Variants in GRIK4 observed in about 807,000 individuals in gnomAD.
The protein encoded by GRIK4 is glutamate receptor ionotropic, kainate 4.
In GRIK4, 40 loss-of-function variants were observed where a neutral mutation model predicts 104.9. The ratio of observed to expected loss-of-function variants is 0.38; its 90% CI spans 0.30 to 0.50. GRIK4 has a LOEUF of 0.50. GRIK4 is among the 20% of genes least tolerant of loss of function. The pLI is 0.93. For synonymous variants in GRIK4, 485 were observed against 524.9 expected (o/e 0.92, Z 1.04); for missense variants, 1,047 against 1,308.1 (o/e 0.80, Z 3.08).
rs547947853 is a variant in GRIK4 at position 120,518,231 on chromosome 11, G to A, written c.-159+6344G>A. ...TCCCAGCTTTTCCAGTTCCAGCAGTGCAACTTTGGGCACAAAGCTATGCAA... is the reference window on the plus strand; with the variant it reads ...TCCCAGCTTTTCCAGTTCCAGCAGTACAACTTTGGGCACAAAGCTATGCAA... On this transcript the variant is annotated intron_variant, in intron 1 of 20. Coordinates refer to ENST00000527524, the MANE Select transcript of GRIK4 (RefSeq NM_014619.5). Among the ~76,000 whole-genome samples the A allele has an allele frequency of 2.6e-5, 4 of 152,300 alleles. 1 individual carries two copies. The highest frequency in any genetic ancestry group is 2.6e-4 in the Admixed American group (4 of 15,296).
At chr11:120,672,018 G>A (rs1950026530) in intron 3 of GRIK4, among the ~76,000 whole-genome samples, 1 of 152,148 alleles carries the variant, frequency 6.6e-6, no homozygotes, top group South Asian at 2.1e-4. Flanking sequence ...TGCTGTTTTG[G>A]TTACTGTAGC....
At chr11:120,985,194 A>C (rs1404633647) in intron 20 of GRIK4, among the ~76,000 whole-genome samples, 1 of 152,134 alleles carries the variant, frequency 6.6e-6, no homozygotes, top group Non-Finnish European at 1.5e-5. Flanking sequence ...AGTTCCTTGT[A>C]AGTTTGATGC....
At position 120,743,161 on chromosome 11, in the gene GRIK4, C is replaced by T. The variant is rs181664591; in HGVS notation, c.83-59532C>T. 9.3e-4 allele frequency among the ~76,000 whole-genome samples: 139 copies of T among 150,270 alleles called. 2 individuals carry two copies. The East Asian group carries it at 0.023, about 25-fold the overall frequency. Reference sequence around the variant, plus strand: ...AGGAGAATTGCTTGAACCCAGGAGGCGGAGGCTGCAGTGAGCAGAGATGAC... The same window carrying T: ...AGGAGAATTGCTTGAACCCAGGAGGTGGAGGCTGCAGTGAGCAGAGATGAC... On this transcript the variant is annotated intron_variant, in intron 3 of 20. Coordinates refer to ENST00000527524, the MANE Select transcript of GRIK4 (RefSeq NM_014619.5).
At chr11:120,763,152 T>C (rs996322507) in intron 3 of GRIK4, among the ~76,000 whole-genome samples, 29 of 152,252 alleles carry the variant, frequency 1.9e-4, no homozygotes, top group African/African-American at 6.8e-4. Flanking sequence ...GGAATTCAAC[T>C]TCTTCCTGGT....
At chr11:120,552,540 C>T (rs1238371924) in intron 1 of GRIK4, among the ~76,000 whole-genome samples, 4 of 152,078 alleles carry the variant, frequency 2.6e-5, no homozygotes, top group Non-Finnish European at 5.9e-5. Context: ...AGGGAGGGCA[C>T]AGGATGCTGT....
At chr11:120,733,374 T>G (rs56092338) in intron 3 of GRIK4, among the ~76,000 whole-genome samples, 2 of 10,166 alleles carry the variant, frequency 2.0e-4, no homozygotes, top group Admixed American at 8.3e-4. Flanking sequence ...TTTTTTTCTG[T>G]TTTTTTTTGT....
At chr11:120,820,839 T>A (rs1320069220) in intron 6 of GRIK4, among the ~76,000 whole-genome samples, 1 of 152,222 alleles carries the variant, frequency 6.6e-6, no homozygotes. Context: ...ACCTCTCTAT[T>A]AAGAGTCAGA....
chr11:120,673,599 G>A (rs1465727966), intron 3 of GRIK4, among the ~76,000 whole-genome samples: 1 of 152,198 alleles, frequency 6.6e-6, no homozygotes, highest in African/African-American at 2.4e-5. Flanking sequence ...GCAAACACAA[G>A]TCCACCAGCG....
At chr11:120,935,263 G>A (rs1943571966) in intron 13 of GRIK4, among the ~76,000 whole-genome samples, 1 of 152,222 alleles carries the variant, frequency 6.6e-6, no homozygotes, top group African/African-American at 2.4e-5. Context: ...TGGCCCACAA[G>A]TGACAAGAGT....
intron 1 of GRIK4, among the ~76,000 whole-genome samples, chr11:120,593,447 C>G (rs1485932246): frequency 2.0e-5 from 3 of 152,064 alleles, no homozygotes. Context: ...TTCGACACTT[C>G]CCTCCTCCCT....
At chr11:120,695,587 C>T (rs764848325) in intron 3 of GRIK4, among the ~76,000 whole-genome samples, 10 of 152,228 alleles carry the variant, frequency 6.6e-5, no homozygotes, top group African/African-American at 1.9e-4. Flanking sequence ...GGTCAGCCTG[C>T]GGGGTCTGGC....
chr11:120,546,661 G>A (rs1948087994), intron 1 of GRIK4, among the ~76,000 whole-genome samples: 1 of 152,172 alleles, frequency 6.6e-6, no homozygotes, highest in Admixed American at 6.5e-5. Context: ...GGAACGTGCA[G>A]TATGTGGAGA....
At chr11:120,588,609 T>A (rs530550877) in intron 1 of GRIK4, among the ~76,000 whole-genome samples, 43 of 152,102 alleles carry the variant, frequency 2.8e-4, no homozygotes, top group African/African-American at 1.0e-3. Context: ...TCCCAGGAGG[T>A]CAAGGGTGTA....
chr11:120,750,607 G>T (rs996952566), intron 3 of GRIK4, among the ~76,000 whole-genome samples: 7 of 152,068 alleles, frequency 4.6e-5, no homozygotes, highest in Admixed American at 3.3e-4. Flanking sequence ...GACCTCAAGT[G>T]ATCTGGCCAC....
intron 8 of GRIK4, among the ~76,000 whole-genome samples, chr11:120,842,305 A>G (rs1212096812): frequency 6.6e-6 from 1 of 152,212 alleles, no homozygotes; most frequent in African/African-American, 2.4e-5. Context: ...CAGTGTTAGG[A>G]AAACAACATG....
chr11:120,596,351 T>TA lies in GRIK4; in HGVS notation c.-158-57326dup, dbSNP rs879415249. Among the ~76,000 whole-genome samples the TA allele has an allele frequency of 1.1e-3, 165 of 152,058 alleles. 2 individuals carry two copies. The highest frequency in any genetic ancestry group is 4.9e-3 in the Admixed American group (75 of 15,276). On this transcript the variant is annotated intron_variant, in intron 1 of 20. Transcript: ENST00000527524. ...AAAGGGAGACAGGTCTATTAACCAG[T>TA]AAAAAAAATGCAACGTGATGAGTGT...
At chr11:120,667,426 C>T (rs1208509929) in intron 3 of GRIK4, among the ~76,000 whole-genome samples, 2 of 152,278 alleles carry the variant, frequency 1.3e-5, no homozygotes, top group African/African-American at 4.8e-5. Flanking sequence ...GAAGCTGCTG[C>T]TAGACCTCAG....
At chr11:120,778,404 C>G (rs759882148) in intron 3 of GRIK4, among the ~76,000 whole-genome samples, 13 of 152,088 alleles carry the variant, frequency 8.5e-5, no homozygotes, top group Non-Finnish European at 1.3e-4. Flanking sequence ...CGTTTATATC[C>G]CTATGCCTTA....
intron 3 of GRIK4, among the ~76,000 whole-genome samples, chr11:120,794,855 C>T (rs1309774009): frequency 1.3e-5 from 2 of 152,040 alleles, no homozygotes; most frequent in African/African-American, 2.4e-5. Context: ...CAGGTGGGGA[C>T]GAAGGCATGA....
Sources: gnomAD v4.1 joint callset for allele counts (sites outside exome capture counted in the v4.1 genomes callset) on GRCh38, gnomAD v4.1.1 for gene constraint, MANE v1.5 for transcripts, NCBI Gene and HGNC (gene_info 2026-07-23, HGNC 2026-07-21) for gene names.